Variants in YAF2 observed in about 807,000 individuals in gnomAD.
YAF2 encodes the protein YY1 associated factor 2, also known as YY1-associated factor 2.
YAF2 carries 7 observed loss-of-function variants against 20.1 expected under a neutral mutation model. That is an observed-to-expected ratio of 0.35 (90% CI 0.20 to 0.65). The LOEUF (loss-of-function observed/expected upper bound fraction) is 0.65. YAF2 is among the 30% of genes least tolerant of loss of function. The probability of loss-of-function intolerance (pLI) is 0.69; values close to 1 mark genes in which losing one functional copy is unlikely to be tolerated. For missense variants in YAF2, 151 were observed against 219.2 expected (o/e 0.69, Z 1.96); for synonymous variants, 74 against 76.0 (o/e 0.97, Z 0.14).
intron 2 of YAF2, among the ~76,000 whole-genome samples, chr12:42,167,145 G>C (rs532924972): frequency 5.9e-5 from 9 of 152,048 alleles, no homozygotes; most frequent in Admixed American, 1.3e-4. Context: ...GTTGGGGAGT[G>C]GGGGGAAAGG....
intron 2 of YAF2, among the ~76,000 whole-genome samples, chr12:42,180,656 C>A (rs868494196): frequency 5.9e-5 from 9 of 152,202 alleles, no homozygotes; most frequent in South Asian, 4.1e-4. Flanking sequence ...TATAATATTT[C>A]AAGTATTGAG....
At chr12:42,228,365 G>A (rs1304549005) in intron 2 of YAF2, among the ~76,000 whole-genome samples, 60 of 60,790 alleles carry the variant, frequency 9.9e-4, no homozygotes, top group East Asian at 1.5e-3. Context: ...CTGCCCGGCC[G>A]CCCCTACTGG....
At chr12:42,161,435 T>C (rs1365092459) in intron 3 of YAF2, 178 bp downstream of exon 3, 1 of 558,390 alleles carries the variant, frequency 1.8e-6, no homozygotes, top group East Asian at 3.7e-5. Flanking sequence ...CTTGTATTTC[T>C]GGCTTCTGTG....
intron 2 of YAF2, among the ~76,000 whole-genome samples, chr12:42,220,026 G>T (rs2067469488): frequency 6.6e-6 from 1 of 152,180 alleles, no homozygotes; most frequent in African/African-American, 2.4e-5. Context: ...CCTTCTCAGA[G>T]ACTGGAGGAC....
intron 2 of YAF2, among the ~76,000 whole-genome samples, chr12:42,214,329 T>C (rs2067292514): frequency 1.3e-5 from 2 of 152,214 alleles, no homozygotes; most frequent in South Asian, 4.1e-4. Context: ...TGGAGTGCAG[T>C]GGCACAATCT....
chr12:42,209,373 G>C (rs1002995293), intron 2 of YAF2, among the ~76,000 whole-genome samples: 1 of 151,678 alleles, frequency 6.6e-6, no homozygotes, highest in African/African-American at 2.4e-5. Flanking sequence ...AGATCAGCCT[G>C]GGCAACATGG....
At chr12:42,224,536 C>A (rs1592044115) in intron 2 of YAF2, among the ~76,000 whole-genome samples, 1 of 151,892 alleles carries the variant, frequency 6.6e-6, no homozygotes, top group Admixed American at 6.6e-5. Context: ...TAGCCCCCCA[C>A]CCCGCGACAG....
rs145205182 is a variant in YAF2, at chr12:42,165,974, G to A, written c.153-4209C>T. Among the ~76,000 whole-genome samples, 789 of 151,916 alleles carry A rather than the reference G, an allele frequency of 5.2e-3. 5 individuals are homozygous for A. Among genetic ancestry groups the A allele is most frequent in the African/African-American group, 0.018 (752 of 41,420 alleles). ...ACACTGTCACCCAGGCTGGAGTGCG[G>A]TGGCGTGATCTTGGCTCAATGCAAC... On this transcript the variant is annotated intron_variant, in intron 2 of 3. Coordinates refer to ENST00000534854, the MANE Select transcript of YAF2 (RefSeq NM_005748.6).
intron 2 of YAF2, among the ~76,000 whole-genome samples, chr12:42,164,531 A>G (rs1328782038): frequency 6.6e-6 from 1 of 152,180 alleles, no homozygotes; most frequent in Non-Finnish European, 1.5e-5. Context: ...GGTAAGATGA[A>G]AGAAAGGAAA....
At chr12:42,217,786 C>T (rs1372192072) in intron 2 of YAF2, among the ~76,000 whole-genome samples, 1 of 152,070 alleles carries the variant, frequency 6.6e-6, no homozygotes, top group African/African-American at 2.4e-5. Context: ...GTAAATATAT[C>T]ATCACTTTTA....
In YAF2 at chr12:42,157,415, TG is replaced by T. The variant is rs2065727472; in HGVS notation, c.*3173del. On this transcript the variant is annotated 3_prime_UTR_variant, in exon 4 of 4. Coordinates refer to ENST00000534854, the MANE Select transcript of YAF2 (RefSeq NM_005748.6). ...GCACCACCTACCAACACAATCAAAC[TG>T]GGGACTCAGGCCTCAGCATGAGTTT... 6.6e-6 allele frequency: 1 copy of T among 152,176 alleles called. No individual in the cohort carries two copies. The highest frequency in any genetic ancestry group is 1.5e-5 in the Non-Finnish European group (1 of 68,046). 9.4% of individuals were successfully genotyped at this position (152,176 alleles called of 1,614,324 possible).
At chr12:42,191,728 G>A (rs774829285) in intron 2 of YAF2, among the ~76,000 whole-genome samples, 3 of 152,176 alleles carry the variant, frequency 2.0e-5, no homozygotes, top group Non-Finnish European at 2.9e-5. Flanking sequence ...AAACTGTGGT[G>A]TTCATTTTTC....
intron 2 of YAF2, chr12:42,199,301 G>T: frequency 1.1e-6 from 1 of 875,782 alleles, no homozygotes; most frequent in Non-Finnish European, 1.5e-6. Context: ...TTGACCAATA[G>T]TTTAAATCCA....
At position 42,224,624 on chromosome 12, in the gene YAF2, G is replaced by A. The variant is rs540333823; in HGVS notation, c.152+12975C>T. On this transcript the variant is annotated intron_variant, in intron 2 of 3. Coordinates refer to ENST00000534854, the MANE Select transcript of YAF2 (RefSeq NM_005748.6). ...CTCCCAGTTATGAGTGAGAATACGT[G>A]GTGTTTGGTTTTCTGATCCTGTGTT... Among the ~76,000 whole-genome samples the A allele has an allele frequency of 2.1e-3, 321 of 152,008 alleles. 1 individual carries two copies. The highest frequency in any genetic ancestry group is 3.0e-3 in the Non-Finnish European group (203 of 67,994).
At chr12:42,165,882 C>A (rs1012257233) in intron 2 of YAF2, among the ~76,000 whole-genome samples, 2 of 142,582 alleles carry the variant, frequency 1.4e-5, no homozygotes, top group African/African-American at 5.6e-5. Flanking sequence ...TAAATTCTAT[C>A]TATATCTATC....
intron 2 of YAF2, among the ~76,000 whole-genome samples, chr12:42,179,789 C>CAAAAAAAAA (rs71084622): frequency 1.0e-3 from 86 of 85,084 alleles, no homozygotes; most frequent in East Asian, 2.1e-3. Context: ...GTCTAAAAGG[C>CAAAAAAAAA]AAAAAAAAAA....
intron 2 of YAF2, chr12:42,234,201 AAAGAAAAGAAAAGAAAAG>A (rs1351744268): frequency 6.3e-6 from 1 of 159,512 alleles, no homozygotes; most frequent in Non-Finnish European, 7.4e-6. Flanking sequence ...AGAGAAAAGA[AAAGAAAAGAAAAGAAAAG>A]AAAAGAAAAG....
At chr12:42,231,292 A>G (rs2067976817) in intron 2 of YAF2, 3 of 152,186 alleles carry the variant, frequency 2.0e-5, no homozygotes, top group South Asian at 4.1e-4. Flanking sequence ...GAAGAGTGGC[A>G]TCGTATATTT....
intron 2 of YAF2, among the ~76,000 whole-genome samples, chr12:42,164,550 AAG>A (rs926380544): frequency 2.0e-5 from 3 of 152,174 alleles, no homozygotes; most frequent in Non-Finnish European, 4.4e-5. Flanking sequence ...AAGAAAGAAA[AAG>A]AGTATTAAAA....
Sources: gnomAD v4.1 joint callset for allele counts (sites outside exome capture counted in the v4.1 genomes callset) on GRCh38, gnomAD v4.1.1 for gene constraint, MANE v1.5 for transcripts, NCBI Gene and HGNC (gene_info 2026-07-23, HGNC 2026-07-21) for gene names.